Variants in ZZEF1 observed in about 807,000 individuals in gnomAD.
ZZEF1 encodes zinc finger ZZ-type and EF-hand domain-containing protein 1.
Under a neutral mutation model 342.8 loss-of-function variants are expected in ZZEF1, and 157 were observed. That is an observed-to-expected ratio of 0.46 (90% confidence interval 0.40 to 0.52). The LOEUF (loss-of-function observed/expected upper bound fraction) is 0.52, where lower values mean the gene tolerates loss of function less well. Ranked by LOEUF, ZZEF1 falls within the 20% of genes least tolerant of loss-of-function variation. ZZEF1 has a pLI of 0.00. For missense variants in ZZEF1, 3,480 were observed against 3,725.6 expected (o/e 0.93, Z 1.72); for synonymous variants, 1,505 against 1,429.1 (o/e 1.05, Z -1.20).
chr17:4,054,842 AC>A (rs1262235349), intron 33 of ZZEF1, among the ~76,000 whole-genome samples: 8 of 152,148 alleles, frequency 5.3e-5, no homozygotes, highest in African/African-American at 1.9e-4. Flanking sequence ...CGTTAAAGGA[AC>A]CCCATGGCAC....
chr17:4,009,645 C>T lies in ZZEF1; in HGVS notation c.8692G>A (p.Ala2898Thr). 6.2e-7 allele frequency: 1 copy of T among 1,614,022 alleles called. No individual in the cohort carries two copies. ...QPGILLPLHR[A>T]LTELFFVTEN... ...GTGACGAAGAAGAGCTCAGTGAGGG[C>T]ACGATGCAGGGGAAGGAGGATGCCG... The change falls in exon 53 of 55, where the codon GCC (alanine) becomes ACC (threonine). Residue 2898 changes from alanine (A) to threonine (T), a missense_variant. By Grantham distance (58) the Ala-to-Thr change is moderately conservative. This residue lies in a region of ZZEF1 where 1,269 missense variants were observed against 1,342.4 expected (regional missense o/e 0.95). Coordinates refer to ENST00000381638, the MANE Select transcript of ZZEF1 (RefSeq NM_015113.4).
At chr17:4,041,964 C>T (rs532444824) in intron 39 of ZZEF1, among the ~76,000 whole-genome samples, 6 of 151,834 alleles carry the variant, frequency 4.0e-5, no homozygotes, top group Non-Finnish European at 8.8e-5. Flanking sequence ...ACTATTCTAT[C>T]AATGCTAAAA....
At chr17:4,056,096 G>C (rs1465842521) in intron 33 of ZZEF1, 120 bp downstream of exon 33, 17 of 1,126,088 alleles carry the variant, frequency 1.5e-5, no homozygotes, top group Non-Finnish European at 1.7e-5. Flanking sequence ...CCCTTCACTA[G>C]GGTATTGAAT....
At chr17:4,039,923 C>T (rs1291629499) in intron 39 of ZZEF1, among the ~76,000 whole-genome samples, 6 of 152,054 alleles carry the variant, frequency 3.9e-5, no homozygotes, top group Admixed American at 3.9e-4. Context: ...GGATTACAGG[C>T]GTGAGCCACC....
At chr17:4,051,507 G>A (rs780639839) in intron 35 of ZZEF1, among the ~76,000 whole-genome samples, 11 of 151,990 alleles carry the variant, frequency 7.2e-5, no homozygotes, top group Non-Finnish European at 1.2e-4. Context: ...TGCAACCTCC[G>A]CCTCCCAGGT....
chr17:4,066,324 T>C (rs1291637147), intron 28 of ZZEF1, 123 bp downstream of exon 28: 6 of 793,538 alleles, frequency 7.6e-6, no homozygotes, highest in Non-Finnish European at 1.3e-5. Flanking sequence ...TTAGCATCTG[T>C]GTTACTTTCC....
chr17:4,081,830 T>G (rs200848843), intron 17 of ZZEF1, among the ~76,000 whole-genome samples: 1 of 105,646 alleles, frequency 9.5e-6, no homozygotes, highest in Non-Finnish European at 2.2e-5. Context: ...TGTCTTCACA[T>G]GTCTTCACAG....
At position 4,086,508 on chromosome 17, in the gene ZZEF1, C is replaced by A; in HGVS notation, c.2490G>T (p.Glu830Asp). 1 of 1,614,194 alleles carries A rather than the reference C, an allele frequency of 6.2e-7. No individual in the cohort carries two copies. Among genetic ancestry groups the A allele is most frequent in the South Asian group, 1.1e-5 (1 of 91,086 alleles). Residue 830 changes from glutamate (E) to aspartate (D), a missense_variant, in exon 15 of 55, where the codon GAG becomes GAT. Around this residue, in one of 5 missense-constraint regions of ZZEF1, gnomAD observed 1,528 missense variants for 1,624.1 expected, o/e 0.94. Transcript: ENST00000381638. Reference sequence around the variant, plus strand: ...TACCATCACACAAGTGTGTGTACAGCTCCTTGGCAGCCTCTACTCCTTTAG... The same window carrying A: ...TACCATCACACAAGTGTGTGTACAGATCCTTGGCAGCCTCTACTCCTTTAG... ...QSPKGVEAAK[E>D]LYTHLCDVVD...
In ZZEF1 at chr17:4,008,946, G is replaced by A. The variant is rs367567517; in HGVS notation, c.8742C>T (p.Gly2914=). The change falls in exon 54 of 55, where the codon GGC becomes GGT. Residue 2914 remains glycine, a synonymous_variant. Transcript: ENST00000381638. The surrounding 1 kb of genome is among the most constrained non-coding windows in gnomAD (Gnocchi z 4.2). ...GGGCCAGCAGGTAATCCTGCAGCAC[G>A]CCAAGCTCCTGCAGAGAGAGAGCAG... is the stretch of plus-strand genomic sequence containing the variant. The part of the protein sequence containing the change: ...FVTENRAQEL[G]VLQDYLLALT... 46 of 1,541,268 alleles carry A rather than the reference G, an allele frequency of 3.0e-5. No homozygotes were observed. The African/African-American group carries it at 5.5e-4, about 18-fold the overall frequency.
chr17:4,080,782 G>T (rs1365284843), intron 18 of ZZEF1, among the ~76,000 whole-genome samples: 1 of 152,128 alleles, frequency 6.6e-6, no homozygotes, highest in Non-Finnish European at 1.5e-5. Context: ...ACCACTACAA[G>T]GGGACTTGAT....
intron 19 of ZZEF1, among the ~76,000 whole-genome samples, chr17:4,077,308 C>CA (rs1216850932): frequency 6.6e-6 from 1 of 152,186 alleles, no homozygotes; most frequent in African/African-American, 2.4e-5. Context: ...TGAGCCCGTG[C>CA]ATTAGGTGTA....
chr17:4,096,719 C>T lies in ZZEF1; in HGVS notation c.1673-19G>A, dbSNP rs372848356. The T allele has an allele frequency of 1.1e-4, 170 of 1,608,634 alleles. No individual in the cohort carries two copies. The highest frequency in any genetic ancestry group is 1.4e-4 in the Non-Finnish European group (162 of 1,175,588). On this transcript the variant is annotated intron_variant, in intron 9 of 54. Transcript: ENST00000381638. ...AGAAAACCTGAAAAAAGGGAAAACT[C>T]AAGTTAGGGAACTAACCCATTTTTA...
intron 5 of ZZEF1, among the ~76,000 whole-genome samples, chr17:4,110,420 G>A (rs2145478282): frequency 6.6e-6 from 1 of 152,280 alleles, no homozygotes; most frequent in Non-Finnish European, 1.5e-5. Context: ...AAGACAGGAA[G>A]CTTCTAACCC....
In ZZEF1 at chr17:4,033,996, G is replaced by A. The variant is rs2056605702; in HGVS notation, c.6584+19C>T. Reference sequence around the variant, plus strand: ...TGGGATAGAGGGCAGGTGGTTAGAGGAGCGAGGACCAAGGCTACCTGTCCA... The same window carrying A: ...TGGGATAGAGGGCAGGTGGTTAGAGAAGCGAGGACCAAGGCTACCTGTCCA... On this transcript the variant is annotated intron_variant, in intron 40 of 54. Coordinates refer to ENST00000381638, the MANE Select transcript of ZZEF1 (RefSeq NM_015113.4). The A allele has an allele frequency of 1.2e-6, 2 of 1,610,774 alleles. No individual in the cohort carries two copies. The highest frequency in any genetic ancestry group is 4.5e-5 in the East Asian group (2 of 44,828).
rs1436307602 is a variant in ZZEF1 at position 4,017,249 on chromosome 17, C to G, written c.8001+122G>C. 1.4e-6 allele frequency: 2 copies of G among 1,381,656 alleles called. No individual in the cohort carries two copies. Among genetic ancestry groups the G allele is most frequent in the East Asian group, 4.7e-5 (2 of 42,968 alleles). 85.6% of individuals were successfully genotyped at this position (1,381,656 alleles called of 1,614,324 possible). On this transcript the variant is annotated intron_variant, in intron 48 of 54. Transcript: ENST00000381638. The surrounding 1 kb of genome is among the most constrained non-coding windows in gnomAD (Gnocchi z 5.1). ...AGTGACCCTACCTTTGCTGCATTCACACCTGTCAGGGAGCTGCACAGCCAC... is the reference window on the plus strand; with the variant it reads ...AGTGACCCTACCTTTGCTGCATTCAGACCTGTCAGGGAGCTGCACAGCCAC...
At chr17:4,085,523 G>C (rs1365877716) in intron 16 of ZZEF1, 147 bp downstream of exon 16, 6 of 921,534 alleles carry the variant, frequency 6.5e-6, no homozygotes, top group Non-Finnish European at 8.0e-6. Context: ...CATGTCCTTA[G>C]ATATCTGTCC....
intron 39 of ZZEF1, among the ~76,000 whole-genome samples, chr17:4,037,466 T>C (rs1299951693): frequency 1.3e-5 from 2 of 152,210 alleles, no homozygotes; most frequent in Non-Finnish European, 2.9e-5. Context: ...TTCCACACAA[T>C]AGGTGGCCTG....
intron 33 of ZZEF1, 35 bp downstream of exon 33, chr17:4,056,181 A>C (rs757650606): frequency 1.3e-6 from 2 of 1,489,692 alleles, no homozygotes; most frequent in South Asian, 2.9e-5. Context: ...ACTCCTAGCA[A>C]ATCACTTCAG....
Position 4,081,471 on chromosome 17 carries a change from GGCC to G in ZZEF1, c.2731_2733del (p.Gly911del), listed in dbSNP as rs765218381. The G allele has an allele frequency of 6.2e-6, 10 of 1,613,968 alleles. No homozygotes were observed. The African/African-American group carries it at 1.3e-4, about 22-fold the overall frequency. ...TCGTTCTTCTCAGGTAAAAGAAGAA[GGCC>G]GCCTGGATCCTTGTCACTGAAAGGA... On this transcript the variant is annotated inframe_deletion, in exon 18 of 55. Transcript: ENST00000381638.
Sources: allele counts gnomAD v4.1 joint callset (sites outside exome capture counted in the v4.1 genomes callset), GRCh38; gene constraint gnomAD v4.1.1; regional missense constraint gnomAD v4.1.1; non-coding constraint Gnocchi (gnomAD v3.1); transcripts MANE v1.5; gene names NCBI Gene and HGNC (gene_info 2026-07-23, HGNC 2026-07-21).